Variants in ABLIM2 observed in about 807,000 individuals in gnomAD.
ABLIM2 encodes actin-binding LIM protein 2.
ABLIM2 carries 53 observed loss-of-function variants against 97.7 expected under a neutral mutation model. That is an observed-to-expected ratio of 0.54 (90% CI 0.44 to 0.68). The LOEUF (loss-of-function observed/expected upper bound fraction) is 0.68, where lower values mean the gene tolerates loss of function less well. Among genes scored for constraint, ABLIM2 ranks in the 30% least tolerant of loss-of-function variants. ABLIM2 has a pLI of 0.00. For missense variants in ABLIM2, 835 were observed against 867.2 expected (o/e 0.96, Z 0.47); for synonymous variants, 361 against 345.8 (o/e 1.04, Z -0.49).
chr4:7,988,110 G>A lies in ABLIM2; in HGVS notation c.1681-3217C>T, dbSNP rs188283041. ...GTGATCTCGGCTCACTGCAACCTCC[G>A]TCCCTGGGTTCAAGCAATTCTCCTG... On this transcript the variant is annotated intron_variant, in intron 17 of 20. Coordinates refer to ENST00000447017, the MANE Select transcript of ABLIM2 (RefSeq NM_001130083.2). Among the ~76,000 whole-genome samples the A allele has an allele frequency of 1.7e-3, 253 of 151,134 alleles. 2 individuals are homozygous for A. The highest frequency in any genetic ancestry group is 1.2e-3 in the Non-Finnish European group (84 of 67,692).
intron 20 of ABLIM2, among the ~76,000 whole-genome samples, chr4:7,973,517 A>G (rs1202962773): frequency 1.3e-5 from 2 of 149,686 alleles, no homozygotes; most frequent in African/African-American, 2.5e-5. Context: ...AAAAAAAGAG[A>G]GAAAAAAAAG....
At chr4:8,157,589 C>T (rs535652085) in intron 1 of ABLIM2, among the ~76,000 whole-genome samples, 1 of 152,356 alleles carries the variant, frequency 6.6e-6, no homozygotes, top group African/African-American at 2.4e-5. Context: ...TTAGCCCCCG[C>T]CCCCTTCTAG....
intron 8 of ABLIM2, among the ~76,000 whole-genome samples, chr4:8,047,400 C>T (rs1579720348): frequency 6.6e-6 from 1 of 151,566 alleles, no homozygotes; most frequent in East Asian, 2.0e-4. Flanking sequence ...TCTCCTCCTC[C>T]TCCTCTTCCT....
intron 1 of ABLIM2, among the ~76,000 whole-genome samples, chr4:8,111,109 G>C (rs565215323): frequency 6.6e-6 from 1 of 152,202 alleles, no homozygotes; most frequent in Non-Finnish European, 1.5e-5. Flanking sequence ...TCCTTCAGCA[G>C]GTGAATGGAT....
Position 7,999,322 on chromosome 4 carries a change from T to A in ABLIM2, c.1619-6395A>T, listed in dbSNP as rs1345042593. 7.9e-5 allele frequency among the ~76,000 whole-genome samples: 12 copies of A among 152,286 alleles called. No individual in the cohort carries two copies. The highest frequency in any genetic ancestry group is 2.6e-4 in the African/African-American group (11 of 41,546). On this transcript the variant is annotated intron_variant, in intron 16 of 20. Transcript: ENST00000447017. This position sits in a 1 kb window ranked among gnomAD's most constrained non-coding sequence, Gnocchi z 4.4. ...ATCTGCCTGCCTCGGCCTCCAAAAA[T>A]GCTGAGATTACAGGCGTGAGCCACT...
intron 1 of ABLIM2, among the ~76,000 whole-genome samples, chr4:8,121,511 A>G (rs1409390338): frequency 6.6e-6 from 1 of 152,186 alleles, no homozygotes; most frequent in Non-Finnish European, 1.5e-5. Flanking sequence ...GGCTCAGAGC[A>G]TGTACACTGA....
In ABLIM2 at chr4:8,046,855, A is replaced by G. The variant is rs1035760588; in HGVS notation, c.823-1614T>C. ...GGACACAGACACACACAGGGAGTCC[A>G]TGTGGAGGCACAGGGAGAAGGCAGC... On this transcript the variant is annotated intron_variant, in intron 8 of 20. Transcript: ENST00000447017. The surrounding 1 kb of genome is among the most constrained non-coding windows in gnomAD (Gnocchi z 4.4). Among the ~76,000 whole-genome samples, 4 of 152,190 alleles carry G rather than the reference A, an allele frequency of 2.6e-5. No homozygotes were observed. Among genetic ancestry groups the G allele is most frequent in the African/African-American group, 9.7e-5 (4 of 41,448 alleles).
rs1167615555 is a variant in ABLIM2, at chr4:7,980,941, A to AT, written c.1824+2322dup. ...AGAACCATGGTCTCCACAACCCCTT[A>AT]TTTTTTTTTTTTTTTTTTTTGAGAT... On this transcript the variant is annotated intron_variant, in intron 20 of 20. Transcript: ENST00000447017. 4.5e-3 allele frequency among the ~76,000 whole-genome samples: 377 copies of AT among 82,982 alleles called. 46 individuals are homozygous for AT. Among genetic ancestry groups the AT allele is most frequent in the Middle Eastern group, 7.9e-3 (1 of 126 alleles). 54.4% of individuals were successfully genotyped at this position (82,982 alleles called of 152,430 possible).
rs1196145507 is a variant in ABLIM2, at chr4:8,003,099, C to T, written c.1618+4960G>A. ...CCCAGCACCCAGGACAGCACCGGAA[C>T]ACACCAAGCACTCATGAAATACAGA... On this transcript the variant is annotated intron_variant, in intron 16 of 20. Transcript: ENST00000447017. This position sits in a 1 kb window ranked among gnomAD's most constrained non-coding sequence, Gnocchi z 4.2. Among the ~76,000 whole-genome samples the T allele has an allele frequency of 6.6e-6, 1 of 152,228 alleles. No individual in the cohort carries two copies. Among genetic ancestry groups the T allele is most frequent in the Non-Finnish European group, 1.5e-5 (1 of 68,044 alleles).
At position 8,087,077 on chromosome 4, in the gene ABLIM2, G is replaced by C. The variant is rs529145500; in HGVS notation, c.454+1092C>G. Among the ~76,000 whole-genome samples, 9 of 152,190 alleles carry C rather than the reference G, an allele frequency of 5.9e-5. No homozygotes were observed. Among genetic ancestry groups the C allele is most frequent in the African/African-American group, 1.4e-4 (6 of 41,430 alleles). On this transcript the variant is annotated intron_variant, in intron 4 of 20. Transcript: ENST00000447017. This position sits in a 1 kb window ranked among gnomAD's most constrained non-coding sequence, Gnocchi z 4.6. ...AGACTCTCAACGCAGCAGACAAGGT[G>C]GGGGAGAAAGGAGGCATTTGACACA... is the stretch of plus-strand genomic sequence containing the variant.
chr4:8,008,037 C>T (rs780800251), intron 16 of ABLIM2, 22 bp downstream of exon 16: 3 of 1,613,154 alleles, frequency 1.9e-6, no homozygotes, highest in Non-Finnish European at 2.5e-6. Flanking sequence ...ATCACGGCTC[C>T]TTCTTCAAAA....
intron 1 of ABLIM2, among the ~76,000 whole-genome samples, chr4:8,115,991 C>G (rs1438856632): frequency 6.6e-6 from 1 of 152,210 alleles, no homozygotes; most frequent in Non-Finnish European, 1.5e-5. Context: ...CACAGAAGTC[C>G]CCACGGATGG....
chr4:8,059,683 C>T (rs1040943131), intron 7 of ABLIM2, among the ~76,000 whole-genome samples: 4 of 152,020 alleles, frequency 2.6e-5, no homozygotes, highest in Admixed American at 2.0e-4. Context: ...GGGCAGATTG[C>T]CTGAGGTCAG....
chr4:8,007,963 G>C, intron 16 of ABLIM2, 96 bp downstream of exon 16: 2 of 1,534,098 alleles, frequency 1.3e-6, no homozygotes, highest in Non-Finnish European at 1.8e-6. Context: ...TAACAGGCAA[G>C]GCTTAGATGT....
chr4:8,090,920 C>G (rs889808025), intron 3 of ABLIM2, among the ~76,000 whole-genome samples: 4 of 152,018 alleles, frequency 2.6e-5, no homozygotes, highest in Non-Finnish European at 4.4e-5. Context: ...GGGACTGTTA[C>G]AAATAAAGCT....
In ABLIM2 at chr4:8,125,177, A is replaced by G. The variant is rs1216593265; in HGVS notation, c.11-18540T>C. ...CTCCTATTTTGTGAGTTGTGTTTTCACTTTCCTCACGATGTCTTTGGCATC... is the reference window on the plus strand; with the variant it reads ...CTCCTATTTTGTGAGTTGTGTTTTCGCTTTCCTCACGATGTCTTTGGCATC... On this transcript the variant is annotated intron_variant, in intron 1 of 20. Coordinates refer to ENST00000447017, the MANE Select transcript of ABLIM2 (RefSeq NM_001130083.2). This position sits in a 1 kb window ranked among gnomAD's most constrained non-coding sequence, Gnocchi z 6.2. Among the ~76,000 whole-genome samples the G allele has an allele frequency of 1.3e-5, 2 of 152,050 alleles. No homozygotes were observed. The highest frequency in any genetic ancestry group is 6.5e-5 in the Admixed American group (1 of 15,270).
At chr4:8,104,094 C>A (rs1835993430) in intron 2 of ABLIM2, among the ~76,000 whole-genome samples, 1 of 152,178 alleles carries the variant, frequency 6.6e-6, no homozygotes. Flanking sequence ...CACCCCTTCT[C>A]CCAGGCAATC....
At chr4:7,987,564 A>C (rs979567653) in intron 17 of ABLIM2, among the ~76,000 whole-genome samples, 1 of 152,174 alleles carries the variant, frequency 6.6e-6, no homozygotes, top group Non-Finnish European at 1.5e-5. Context: ...TGTGAAAGAG[A>C]AATGCTGCCC....
At position 8,112,226 on chromosome 4, in the gene ABLIM2, C is replaced by T. The variant is rs565793116; in HGVS notation, c.11-5589G>A. On this transcript the variant is annotated intron_variant, in intron 1 of 20. Transcript: ENST00000447017. The surrounding 1 kb of genome is among the most constrained non-coding windows in gnomAD (Gnocchi z 4.2). ...GACGTGGCTCTCTCAGGAAATCCCC[C>T]TGCCTCCCCCTCCAGGCTGAACTCC... Among the ~76,000 whole-genome samples, 121 of 152,344 alleles carry T rather than the reference C, an allele frequency of 7.9e-4. No individual in the cohort carries two copies. The highest frequency in any genetic ancestry group is 6.8e-3 in the Middle Eastern group (2 of 294).
Sources: allele counts gnomAD v4.1 joint callset (sites outside exome capture counted in the v4.1 genomes callset), GRCh38; gene constraint gnomAD v4.1.1; non-coding constraint Gnocchi (gnomAD v3.1); transcripts MANE v1.5; gene names NCBI Gene and HGNC (gene_info 2026-07-23, HGNC 2026-07-21).